Variants in KDELR2 observed in about 807,000 individuals in gnomAD.
The protein encoded by KDELR2 is ER lumen protein-retaining receptor 2.
In KDELR2, 15 loss-of-function variants were observed where a neutral mutation model predicts 23.9. The observed-to-expected ratio is 0.63, with a 90% confidence interval of 0.42 to 0.97. The LOEUF is 0.97. Ranked by LOEUF, KDELR2 falls within the 50% of genes least tolerant of loss-of-function variation. The pLI is 0.00. For missense variants in KDELR2, 272 were observed against 254.6 expected (o/e 1.07, Z -0.46); for synonymous variants, 119 against 106.2 (o/e 1.12, Z -0.74).
At position 6,462,112 on chromosome 7, in the gene KDELR2, C is replaced by G. The variant is rs919132617; in HGVS notation, c.*1029G>C. ...AAAACAAAACAAGAAACTACGATGT[C>G]GGCTGCGGGTTAAATAAAAAGAAAA... On this transcript the variant is annotated 3_prime_UTR_variant, in exon 5 of 5. Transcript: ENST00000258739. 1.3e-5 allele frequency: 2 copies of G among 151,934 alleles called. No individual in the cohort carries two copies. Among genetic ancestry groups the G allele is most frequent in the Admixed American group, 6.6e-5 (1 of 15,232 alleles). The allele number at this position is 151,934 out of a possible 1,614,324, so 9.4% of individuals were successfully genotyped here. A position where few individuals can be genotyped will look rare whatever the true frequency, so the allele number is the denominator to read the frequency against.
chr7:6,482,901 A>G lies in KDELR2; in HGVS notation c.91+1066T>C, dbSNP rs77456823. On this transcript the variant is annotated intron_variant, in intron 1 of 4. Coordinates refer to ENST00000258739, the MANE Select transcript of KDELR2 (RefSeq NM_006854.4). ...ACGCATGGAGTCCCAGCTATTCAGG[A>G]GTCTGAGGCAGGAGGATTACCTGAG... Among the ~76,000 whole-genome samples the G allele has an allele frequency of 1.8e-3, 269 of 150,654 alleles. 1 individual carries two copies. Among genetic ancestry groups the G allele is most frequent in the African/African-American group, 6.2e-3 (256 of 41,188 alleles).
intron 2 of KDELR2, among the ~76,000 whole-genome samples, chr7:6,473,403 C>G (rs1785692972): frequency 6.6e-6 from 1 of 152,154 alleles, no homozygotes; most frequent in Non-Finnish European, 1.5e-5. Flanking sequence ...AGCATGAATT[C>G]AACACTGTGC....
At chr7:6,464,735 T>C (rs1044047474) in intron 4 of KDELR2, among the ~76,000 whole-genome samples, 2 of 19,416 alleles carry the variant, frequency 1.0e-4, no homozygotes, top group African/African-American at 1.8e-4. Context: ...CTTTTTTTTC[T>C]TTTTTTTTTT....
In KDELR2 at chr7:6,475,713, C is replaced by T. The variant is rs549392257; in HGVS notation, c.92-1429G>A. Among the ~76,000 whole-genome samples the T allele has an allele frequency of 2.0e-4, 31 of 152,204 alleles. No individual in the cohort carries two copies. In the South Asian group the frequency reaches 3.5e-3, roughly 17 times the overall value. On this transcript the variant is annotated intron_variant, in intron 1 of 4. Coordinates refer to ENST00000258739, the MANE Select transcript of KDELR2 (RefSeq NM_006854.4). ...CCAAATATTTATGTGACAAAGGACG[C>T]AAACTATGGGTTTCAGATGCTGGAG... is the stretch of plus-strand genomic sequence containing the variant.
At chr7:6,477,205 G>A (rs1025997275) in intron 1 of KDELR2, among the ~76,000 whole-genome samples, 2 of 152,208 alleles carry the variant, frequency 1.3e-5, no homozygotes, top group African/African-American at 4.8e-5. Flanking sequence ...GCCGGTCCAT[G>A]GAGTAGCGTC....
intron 1 of KDELR2, among the ~76,000 whole-genome samples, chr7:6,480,392 A>G (rs185684410): frequency 6.6e-6 from 1 of 152,350 alleles, no homozygotes; most frequent in Non-Finnish European, 1.5e-5. Context: ...AGCTGCAATG[A>G]TAATTCAGAA....
chr7:6,480,829 AAGTT>A (rs1785873041), intron 1 of KDELR2, among the ~76,000 whole-genome samples: 1 of 152,202 alleles, frequency 6.6e-6, no homozygotes, highest in East Asian at 1.9e-4. Context: ...CAGCTTGTCA[AAGTT>A]AGCATTTAAT....
intron 4 of KDELR2, among the ~76,000 whole-genome samples, chr7:6,465,334 C>T (rs1011569791): frequency 5.3e-5 from 8 of 151,894 alleles, no homozygotes; most frequent in Admixed American, 2.0e-4. Context: ...CAGGCGCCCA[C>T]CACCACGCCT....
At chr7:6,475,086 A>T (rs1486606396) in intron 1 of KDELR2, among the ~76,000 whole-genome samples, 1 of 152,192 alleles carries the variant, frequency 6.6e-6, no homozygotes, top group African/African-American at 2.4e-5. Context: ...GAATAATGGC[A>T]TCGCATCCCA....
intron 2 of KDELR2, among the ~76,000 whole-genome samples, chr7:6,472,146 A>T (rs1785659574): frequency 6.6e-6 from 1 of 152,152 alleles, no homozygotes; most frequent in Non-Finnish European, 1.5e-5. Context: ...TAAATACAAA[A>T]CAAAATCTAC....
chr7:6,479,501 G>A (rs11761728), intron 1 of KDELR2, among the ~76,000 whole-genome samples: 50,390 of 151,260 alleles, frequency 0.33, 9,104 homozygotes, highest in Middle Eastern at 0.45. Flanking sequence ...TTTTTGAGAC[G>A]GAGTCTCCCT....
chr7:6,484,045 G>T lies in KDELR2; in HGVS notation c.13C>A (p.Arg5=). ...AGGTGGGACAGGTCCCCAGTCAGCC[G>T]GAAAATGTTCATGGCGGCGGCGGCG... is the stretch of plus-strand genomic sequence containing the variant. MNIF[R]LTGDLSHLAA... Residue 5 remains arginine, a synonymous_variant, in exon 1 of 5, where the codon CGG becomes AGG. Transcript: ENST00000258739. The T allele has an allele frequency of 3.3e-6, 5 of 1,518,818 alleles. No homozygotes were observed. The highest frequency in any genetic ancestry group is 1.2e-5 in the South Asian group (1 of 82,850). The allele number at this position is 1,518,818 out of a possible 1,614,324, so 94.1% of individuals were successfully genotyped here. A position where few individuals can be genotyped will look rare whatever the true frequency, so the allele number is the denominator to read the frequency against.
Position 6,466,310 on chromosome 7 carries a change from A to AAGGTCCAG in KDELR2, c.357_364dup (p.Phe122SerfsTer19), listed in dbSNP as rs1785503059. ...AGCCACGGACTCCAGGTAGATGGAG[A>AAGGTCCAG]AGGTCCAGAGGATCTGGAAGAGAAA... On this transcript the variant is annotated frameshift_variant, in exon 4 of 5. Transcript: ENST00000258739. LOFTEE classifies it high-confidence loss of function. The AAGGTCCAG allele has an allele frequency of 6.2e-7, 1 of 1,613,796 alleles. No individual in the cohort carries two copies. The highest frequency in any genetic ancestry group is 8.5e-7 in the Non-Finnish European group (1 of 1,180,028).
At chr7:6,463,836 G>A (rs1197743205) in intron 4 of KDELR2, among the ~76,000 whole-genome samples, 4 of 151,348 alleles carry the variant, frequency 2.6e-5, no homozygotes, top group African/African-American at 7.3e-5. Context: ...AGAGGTGGGC[G>A]GATCTCCTGA....
chr7:6,474,367 A>G, intron 1 of KDELR2, 83 bp from the exon 2 acceptor site: 2 of 921,386 alleles, frequency 2.2e-6, no homozygotes, highest in Non-Finnish European at 3.6e-6. Context: ...GAGTGCAGAC[A>G]GGGAAGGAGG....
At chr7:6,466,366 C>G (rs1230370174) in intron 3 of KDELR2, 43 bp from the exon 4 acceptor site, 3 of 1,601,772 alleles carry the variant, frequency 1.9e-6, no homozygotes, top group African/African-American at 1.3e-5. Flanking sequence ...CCACTGCCCA[C>G]CAGGAGCTCA....
rs184742432 is a variant in KDELR2, at chr7:6,462,918, T to C, written c.*223A>G. ...TAATACAGCATTAAGTTTCTTTGTG[T>C]AAAAAAATCTTTGTACACAGTAATA... is the stretch of plus-strand genomic sequence containing the variant. On this transcript the variant is annotated 3_prime_UTR_variant, in exon 5 of 5. Transcript: ENST00000258739. The C allele has an allele frequency of 2.0e-5, 29 of 1,473,494 alleles. No individual in the cohort carries two copies. In the Admixed American group the frequency reaches 5.0e-4, roughly 25 times the overall value. The allele number at this position is 1,473,494 out of a possible 1,614,324, so 91.3% of individuals were successfully genotyped here. A position where few individuals can be genotyped will look rare whatever the true frequency, so the allele number is the denominator to read the frequency against.
chr7:6,484,151 G>A lies in KDELR2; in HGVS notation c.-94C>T, dbSNP rs909479061. On this transcript the variant is annotated 5_prime_UTR_variant, in exon 1 of 5. Coordinates refer to ENST00000258739, the MANE Select transcript of KDELR2 (RefSeq NM_006854.4). ...CCCCTGAGAGGAAGCGGCGAAGATG[G>A]CGAGATCGCCCGCGACGTGGCCAGG... 6.8e-6 allele frequency: 7 copies of A among 1,035,052 alleles called. No individual in the cohort carries two copies. The highest frequency in any genetic ancestry group is 1.7e-5 in the African/African-American group (1 of 58,842). The allele number at this position is 1,035,052 out of a possible 1,614,324, so 64.1% of individuals were successfully genotyped here.
chr7:6,472,404 A>T (rs1785667466), intron 2 of KDELR2, among the ~76,000 whole-genome samples: 1 of 152,188 alleles, frequency 6.6e-6, no homozygotes, highest in Non-Finnish European at 1.5e-5. Context: ...GTCTCACGCC[A>T]GACTTTCAGG....
Sources: gnomAD v4.1 joint callset for allele counts (sites outside exome capture counted in the v4.1 genomes callset) on GRCh38, gnomAD v4.1.1 for gene constraint, MANE v1.5 for transcripts, NCBI Gene and HGNC (gene_info 2026-07-23, HGNC 2026-07-21) for gene names.